PDCL2: variants seen among roughly 807,000 people sequenced by gnomAD.
The protein encoded by PDCL2 is phosducin-like protein 2.
In PDCL2, 23 loss-of-function variants were observed where a neutral mutation model predicts 30.3. The ratio of observed to expected loss-of-function variants is 0.76; its 90% CI spans 0.55 to 1.08. The LOEUF is 1.08. PDCL2 is among the 50% of genes least tolerant of loss of function. The pLI, the probability that PDCL2 is intolerant of heterozygous loss-of-function variation, is 0.00. For synonymous variants in PDCL2, 68 were observed against 86.2 expected, an observed-to-expected ratio of 0.79 and a Z score of 1.17; for missense variants, 243 against 282.3, an observed-to-expected ratio of 0.86 and a Z score of 1.00.
chr4:55,557,951 C>CA (rs57872861), intron 5 of PDCL2, among the ~76,000 whole-genome samples: 16 of 126,286 alleles, frequency 1.3e-4, no homozygotes, highest in African/African-American at 4.8e-4. Context: ...ACTAAAAATA[C>CA]AAAAAAAAAA....
chr4:55,591,269 TAGAA>T (rs1259735786), intron 1 of PDCL2, among the ~76,000 whole-genome samples: 1 of 151,682 alleles, frequency 6.6e-6, no homozygotes, highest in African/African-American at 2.4e-5. Context: ...TTCTGTAAGT[TAGAA>T]AGACAATTTT....
At chr4:55,560,668 T>G (rs1033420806) in intron 5 of PDCL2, among the ~76,000 whole-genome samples, 4 of 152,158 alleles carry the variant, frequency 2.6e-5, no homozygotes, top group African/African-American at 9.7e-5. Context: ...TTACTTTTGG[T>G]AATTACTATG....
chr4:55,561,241 G>A (rs1185811566), intron 5 of PDCL2, among the ~76,000 whole-genome samples: 2 of 151,940 alleles, frequency 1.3e-5, no homozygotes, highest in African/African-American at 2.4e-5. Context: ...ACAGCTTTGG[G>A]GGACTGACAG....
intron 1 of PDCL2, among the ~76,000 whole-genome samples, chr4:55,588,283 T>C (rs1732911268): frequency 6.6e-6 from 1 of 152,048 alleles, no homozygotes; most frequent in Non-Finnish European, 1.5e-5. Flanking sequence ...AAGTCATCCC[T>C]CTCAGACTCA....
Position 55,562,740 on chromosome 4 carries a change from C to T in PDCL2, c.363-128G>A, listed in dbSNP as rs552394340. The T allele has an allele frequency of 1.0e-5, 6 of 594,034 alleles. No individual in the cohort carries two copies. In the African/African-American group the frequency reaches 1.2e-4, roughly 12 times the overall value. The allele number at this position is 594,034 out of a possible 1,614,324, so 36.8% of individuals were successfully genotyped here. A position where few individuals can be genotyped will look rare whatever the true frequency, so the allele number is the denominator to read the frequency against. On this transcript the variant is annotated intron_variant, in intron 4 of 5. Coordinates refer to ENST00000295645, the MANE Select transcript of PDCL2 (RefSeq NM_152401.3). ...AATATAAAAGCACATTATTATCATC[C>T]TCTATTGTTACCTTTAGCAATGAAG...
intron 1 of PDCL2, among the ~76,000 whole-genome samples, chr4:55,584,287 C>T (rs4256282): frequency 0.4 from 61,270 of 151,456 alleles, 12,482 homozygotes; most frequent in East Asian, 0.58. Flanking sequence ...GATGAAGTCT[C>T]GTTCTGTCGC....
At chr4:55,573,990 T>A (rs2110160800) in intron 3 of PDCL2, among the ~76,000 whole-genome samples, 1 of 151,636 alleles carries the variant, frequency 6.6e-6, no homozygotes, top group East Asian at 2.0e-4. Context: ...GCCTCCCAGG[T>A]TCAAGCGATT....
intron 2 of PDCL2, among the ~76,000 whole-genome samples, chr4:55,581,551 G>A (rs549398067): frequency 6.6e-6 from 1 of 152,214 alleles, no homozygotes; most frequent in South Asian, 2.1e-4. Context: ...AAGGCAGAGG[G>A]ACATGGTGGG....
At chr4:55,587,527 C>T (rs561222478) in intron 1 of PDCL2, among the ~76,000 whole-genome samples, 3 of 149,826 alleles carry the variant, frequency 2.0e-5, no homozygotes, top group African/African-American at 4.9e-5. Flanking sequence ...ATTTTCTATT[C>T]TGTGGGTTGT....
chr4:55,581,048 A>G (rs6817663), intron 2 of PDCL2, 137 bp from the exon 3 acceptor site: 177,337 of 555,206 alleles, frequency 0.32, 29,834 homozygotes, highest in Middle Eastern at 0.39. Flanking sequence ...GAATCCCAGT[A>G]CTTTGATAGG....
chr4:55,566,960 C>A (rs1732284827), intron 4 of PDCL2, among the ~76,000 whole-genome samples: 1 of 152,082 alleles, frequency 6.6e-6, no homozygotes, highest in African/African-American at 2.4e-5. Context: ...AACCATTAAG[C>A]TAGATAATTT....
At chr4:55,572,404 G>C (rs1391440908) in intron 3 of PDCL2, among the ~76,000 whole-genome samples, 2 of 152,208 alleles carry the variant, frequency 1.3e-5, no homozygotes, top group Non-Finnish European at 2.9e-5. Flanking sequence ...AGAAACTAGG[G>C]AATCTGGAAC....
intron 1 of PDCL2, among the ~76,000 whole-genome samples, chr4:55,586,131 G>C (rs1018764294): frequency 6.6e-6 from 1 of 151,748 alleles, no homozygotes; most frequent in African/African-American, 2.4e-5. Flanking sequence ...ATCTGCTTCT[G>C]CTGCCTTCCA....
In PDCL2 at chr4:55,556,665, CA is replaced by C. The variant is rs759164208; in HGVS notation, c.617del (p.Leu206TrpfsTer10). On this transcript the variant is annotated frameshift_variant, in exon 6 of 6. Transcript: ENST00000295645. LOFTEE classifies it high-confidence loss of function. ...CCATGTCTTTTCTGGGGTTTTCTTC[CA>C]AATCAGTCTGTATTGCTCCAACTTC... ...LAEVGAIQTDLEENPRKDMVD... is the reference protein window; with the variant it reads ...LAEVGAIQTDXEENPRKDMVD... 36 of 1,569,636 alleles carry C rather than the reference CA, an allele frequency of 2.3e-5. No homozygotes were observed. Among genetic ancestry groups the C allele is most frequent in the Non-Finnish European group, 2.9e-5 (34 of 1,155,562 alleles).
At chr4:55,582,071 A>G in intron 2 of PDCL2, 46 bp downstream of exon 2, 1 of 1,602,032 alleles carries the variant, frequency 6.2e-7, no homozygotes, top group Non-Finnish European at 8.5e-7. Context: ...GTACTAACTT[A>G]ACTGTATTAT....
chr4:55,592,035 C>T, intron 1 of PDCL2, 69 bp downstream of exon 1: 1 of 1,585,932 alleles, frequency 6.3e-7, no homozygotes, highest in Non-Finnish European at 8.6e-7. Flanking sequence ...CATTTGTGTC[C>T]CTTGGCTTCG....
chr4:55,584,922 C>T (rs968827217), intron 1 of PDCL2, among the ~76,000 whole-genome samples: 2 of 152,082 alleles, frequency 1.3e-5, no homozygotes, highest in Non-Finnish European at 2.9e-5. Context: ...AAGTTTTTAT[C>T]ATGAAAGGAT....
rs71194595 is a variant in PDCL2 at position 55,565,973 on chromosome 4, G to GTTTT, written c.363-3365_363-3362dup. Among the ~76,000 whole-genome samples, 276 of 74,504 alleles carry GTTTT rather than the reference G, an allele frequency of 3.7e-3. 8 individuals are homozygous for GTTTT. The highest frequency in any genetic ancestry group is 6.1e-3 in the African/African-American group (119 of 19,386). 48.9% of individuals were successfully genotyped at this position (74,504 alleles called of 152,430 possible). ...AAGCTGTAAGTAAATCCATTTTTCT[G>GTTTT]TTTTTTTTTTTTTTTTTTTTTTTTT... On this transcript the variant is annotated intron_variant, in intron 4 of 5. Transcript: ENST00000295645.
chr4:55,564,805 G>T (rs1196782706), intron 4 of PDCL2, among the ~76,000 whole-genome samples: 1 of 152,154 alleles, frequency 6.6e-6, no homozygotes, highest in Non-Finnish European at 1.5e-5. Context: ...TTATAAAATT[G>T]ATAGAAAGTA....
Sources: allele counts gnomAD v4.1 joint callset (sites outside exome capture counted in the v4.1 genomes callset), GRCh38; gene constraint gnomAD v4.1.1; transcripts MANE v1.5; gene names NCBI Gene and HGNC (gene_info 2026-07-23, HGNC 2026-07-21).